The following BICC1 variants were observed in gnomAD, a reference collection of about 807,000 sequenced individuals.
The protein encoded by BICC1 is protein bicaudal C homolog 1.
BICC1 carries 43 observed loss-of-function variants against 111.0 expected under a neutral mutation model. That is an observed-to-expected ratio of 0.39 (90% confidence interval 0.30 to 0.50). BICC1 has a LOEUF of 0.50. BICC1 is among the 20% of genes least tolerant of loss of function. BICC1 has a pLI of 0.88. For synonymous variants in BICC1, 467 were observed against 434.4 expected (o/e 1.07, Z -0.93); for missense variants, 1,091 against 1,203.2 (o/e 0.91, Z 1.38).
Position 58,785,099 on chromosome 10 carries a change from C to T in BICC1, c.387+19C>T. Reference sequence around the variant, plus strand: ...CACAAAAGTAAGTGAATGTTAAGGACACTCAGATGTCAGAACCTTGTCTCT... The same window carrying T: ...CACAAAAGTAAGTGAATGTTAAGGATACTCAGATGTCAGAACCTTGTCTCT... On this transcript the variant is annotated intron_variant, in intron 4 of 20. Transcript: ENST00000373886. The T allele has an allele frequency of 6.8e-7, 1 of 1,476,988 alleles. No homozygotes were observed. Among genetic ancestry groups the T allele is most frequent in the Non-Finnish European group, 9.2e-7 (1 of 1,081,200 alleles). 91.5% of individuals were successfully genotyped at this position (1,476,988 alleles called of 1,614,324 possible).
chr10:58,533,641 C>T (rs763183678), intron 1 of BICC1, among the ~76,000 whole-genome samples: 17 of 151,578 alleles, frequency 1.1e-4, no homozygotes, highest in South Asian at 6.2e-4. Flanking sequence ...AAACAAAAGG[C>T]GAGGAATTAA....
intron 1 of BICC1, among the ~76,000 whole-genome samples, chr10:58,558,999 GATACAAATATTCAAACC>G (rs533098375): frequency 7.8e-4 from 119 of 152,192 alleles, no homozygotes; most frequent in African/African-American, 2.7e-3. Context: ...ATTTTGAGAT[GATACAAATATTCAAACC>G]ATACAAATAT....
intron 3 of BICC1, among the ~76,000 whole-genome samples, chr10:58,772,562 CA>C (rs774261083): frequency 5.3e-5 from 8 of 152,162 alleles, no homozygotes; most frequent in Non-Finnish European, 1.0e-4. Flanking sequence ...TTGAAGGTTT[CA>C]AAATCTGTTC....
At position 58,789,305 on chromosome 10, in the gene BICC1, G is replaced by A. The variant is rs1215825117; in HGVS notation, c.644G>A (p.Gly215Glu). The change falls in exon 7 of 21, where the codon GGA (glycine) becomes GAA (glutamate). Residue 215 changes from glycine (G) to glutamate (E), a missense_variant. By Grantham distance (98) the Gly-to-Glu change is moderately conservative. Transcript: ENST00000373886. ...LVLMFELPIA[G>E]ILQPVPDPNS... Reference sequence around the variant, plus strand: ...CTGATGTTTGAGCTACCAATTGCTGGAATTCTTCAACCGGTTCCTGATCCT... The same window carrying A: ...CTGATGTTTGAGCTACCAATTGCTGAAATTCTTCAACCGGTTCCTGATCCT... The A allele has an allele frequency of 6.2e-7, 1 of 1,613,840 alleles. No individual in the cohort carries two copies. The highest frequency in any genetic ancestry group is 1.3e-5 in the African/African-American group (1 of 74,988).
intron 1 of BICC1, among the ~76,000 whole-genome samples, chr10:58,534,090 A>T (rs1842760464): frequency 1.3e-5 from 2 of 151,840 alleles, no homozygotes; most frequent in African/African-American, 4.8e-5. Flanking sequence ...AAGATATTCC[A>T]TGCAAATGGT....
intron 17 of BICC1, among the ~76,000 whole-genome samples, chr10:58,811,918 A>G (rs532745342): frequency 6.6e-6 from 1 of 152,294 alleles, no homozygotes; most frequent in East Asian, 1.9e-4. Context: ...TGAGTTCCTG[A>G]AGCCGAGGTG....
At chr10:58,686,360 G>A (rs1180967171) in intron 2 of BICC1, among the ~76,000 whole-genome samples, 16 of 152,146 alleles carry the variant, frequency 1.1e-4, no homozygotes, top group African/African-American at 2.7e-4. Context: ...TGCTCTTCTC[G>A]AGGAGTATCT....
chr10:58,794,307 T>C (rs1446668213), intron 9 of BICC1, among the ~76,000 whole-genome samples: 2 of 152,232 alleles, frequency 1.3e-5, no homozygotes, highest in Admixed American at 6.5e-5. Context: ...TGTGCTTTTT[T>C]GTAAATACTT....
chr10:58,759,335 AAAC>A (rs1183148680), intron 3 of BICC1, among the ~76,000 whole-genome samples: 3 of 152,152 alleles, frequency 2.0e-5, no homozygotes, highest in African/African-American at 4.8e-5. Flanking sequence ...ATTTCAATAT[AAAC>A]AAAAAGATTT....
chr10:58,652,987 C>T (rs1293243076), intron 2 of BICC1, among the ~76,000 whole-genome samples: 1 of 152,120 alleles, frequency 6.6e-6, no homozygotes, highest in East Asian at 1.9e-4. Flanking sequence ...GTTATATACA[C>T]TGGAACATTT....
At chr10:58,611,911 C>T (rs946234443) in intron 1 of BICC1, among the ~76,000 whole-genome samples, 1 of 152,108 alleles carries the variant, frequency 6.6e-6, no homozygotes, top group Non-Finnish European at 1.5e-5. Flanking sequence ...GAAAGCCATC[C>T]TTAATCCAGC....
chr10:58,583,086 G>A (rs1443283292), intron 1 of BICC1, among the ~76,000 whole-genome samples: 1 of 152,090 alleles, frequency 6.6e-6, no homozygotes, highest in Non-Finnish European at 1.5e-5. Context: ...AGTGTTCTGT[G>A]TCTTAATAAA....
intron 2 of BICC1, among the ~76,000 whole-genome samples, chr10:58,649,553 A>T (rs1463806803): frequency 6.6e-6 from 1 of 152,178 alleles, no homozygotes; most frequent in East Asian, 1.9e-4. Context: ...TTTTAAAAAA[A>T]ACTCTTCAAC....
At chr10:58,516,466 A>T (rs949644742) in intron 1 of BICC1, among the ~76,000 whole-genome samples, 2 of 147,914 alleles carry the variant, frequency 1.4e-5, no homozygotes, top group Admixed American at 6.7e-5. Flanking sequence ...CAGGCCAACA[A>T]TGTAGGGAAA....
intron 3 of BICC1, among the ~76,000 whole-genome samples, chr10:58,743,975 T>G (rs1841751581): frequency 6.6e-6 from 1 of 152,156 alleles, no homozygotes. Context: ...AGTATCATCT[T>G]TGCTGTGAAA....
At chr10:58,576,524 T>C (rs890568505) in intron 1 of BICC1, among the ~76,000 whole-genome samples, 2 of 152,202 alleles carry the variant, frequency 1.3e-5, no homozygotes, top group Non-Finnish European at 2.9e-5. Context: ...TTATTGCCAC[T>C]GTGCATTCCT....
chr10:58,702,211 C>T, intron 3 of BICC1, 68 bp downstream of exon 3: 2 of 1,306,690 alleles, frequency 1.5e-6, no homozygotes, highest in East Asian at 2.4e-5. Context: ...TGCAGGTTTG[C>T]TGGGGAGAAA....
chr10:58,628,168 G>A (rs1837689540), intron 2 of BICC1, among the ~76,000 whole-genome samples: 1 of 152,066 alleles, frequency 6.6e-6, no homozygotes, highest in Non-Finnish European at 1.5e-5. Context: ...TCCTACAATG[G>A]ACCTCCATTA....
chr10:58,660,421 CTTCTT>C (rs1282082172), intron 2 of BICC1, among the ~76,000 whole-genome samples: 1 of 37,600 alleles, frequency 2.7e-5, no homozygotes, highest in East Asian at 8.4e-4. Context: ...GATTGTGTAT[CTTCTT>C]TTCTTGCTGT....
Sources: gnomAD v4.1 joint callset for allele counts (sites outside exome capture counted in the v4.1 genomes callset) on GRCh38, gnomAD v4.1.1 for gene constraint, MANE v1.5 for transcripts, NCBI Gene and HGNC (gene_info 2026-07-23, HGNC 2026-07-21) for gene names.